Variants in ESRRG observed in about 807,000 individuals in gnomAD.
The protein encoded by ESRRG is estrogen related receptor gamma.
In ESRRG, 13 loss-of-function variants were observed where a neutral mutation model predicts 44.0. The observed-to-expected ratio is 0.30, with a 90% CI of 0.19 to 0.47. The LOEUF is 0.47. Ranked by LOEUF, ESRRG falls within the 20% of genes least tolerant of loss-of-function variation. ESRRG has a pLI of 1.00. For synonymous variants in ESRRG, 215 were observed against 214.6 expected (o/e 1.00, Z -0.02); for missense variants, 395 against 580.6 (o/e 0.68, Z 3.29).
chr1:216,949,969 C>T (rs2066690160), intron 1 of ESRRG, among the ~76,000 whole-genome samples: 2 of 152,068 alleles, frequency 1.3e-5, no homozygotes, highest in African/African-American at 2.4e-5. Flanking sequence ...CATGCCACCA[C>T]ACCCGGCTAA....
intron 1 of ESRRG, among the ~76,000 whole-genome samples, chr1:216,696,300 G>T (rs1480450049): frequency 6.6e-6 from 1 of 152,118 alleles, no homozygotes; most frequent in Non-Finnish European, 1.5e-5. Flanking sequence ...GTACCTCAAA[G>T]ATTTAATATC....
intron 2 of ESRRG, among the ~76,000 whole-genome samples, chr1:216,779,154 A>C (rs1232192281): frequency 3.0e-5 from 3 of 100,566 alleles, no homozygotes; most frequent in Non-Finnish European, 4.0e-5. Context: ...ATTTATATAT[A>C]TATAAAATAA....
intron 1 of ESRRG, among the ~76,000 whole-genome samples, chr1:216,976,531 C>T (rs2072948039): frequency 6.6e-6 from 1 of 152,082 alleles, no homozygotes; most frequent in South Asian, 2.1e-4. Flanking sequence ...CCAGTGTCTC[C>T]ATAGGTCTGA....
At chr1:217,090,218 T>C (rs1436900480), upstream of ESRRG, among the ~76,000 whole-genome samples, 1 of 152,132 alleles carries the variant, frequency 6.6e-6, no homozygotes, top group Non-Finnish European at 1.5e-5. Context: ...CTTTTGTCTT[T>C]CATTTTACCT....
intron 2 of ESRRG, among the ~76,000 whole-genome samples, chr1:216,838,279 A>G (rs541532336): frequency 6.6e-6 from 1 of 152,356 alleles, no homozygotes; most frequent in East Asian, 1.9e-4. Flanking sequence ...GATAATGATG[A>G]AACAAGCTCT....
At chr1:216,905,234 GGGT>G (rs1361060015) in intron 2 of ESRRG, among the ~76,000 whole-genome samples, 1 of 152,014 alleles carries the variant, frequency 6.6e-6, no homozygotes, top group Non-Finnish European at 1.5e-5. Context: ...GAATGCAATC[GGGT>G]CTCAGCTTAC....
chr1:216,646,283 C>T (rs2067564712), intron 3 of ESRRG, among the ~76,000 whole-genome samples: 1 of 152,048 alleles, frequency 6.6e-6, no homozygotes, highest in Non-Finnish European at 1.5e-5. Flanking sequence ...TTAGAAAGCA[C>T]CCCTAAGGCC....
At chr1:216,993,112 T>A (rs901538325) in intron 1 of ESRRG, among the ~76,000 whole-genome samples, 4 of 152,202 alleles carry the variant, frequency 2.6e-5, no homozygotes, top group African/African-American at 7.2e-5. Flanking sequence ...TAGCAATTAG[T>A]AGAAATTCAA....
rs181644529 is a variant in ESRRG at position 216,761,327 on chromosome 1, A to G, written c.-13-83836T>C. 1.1e-3 allele frequency among the ~76,000 whole-genome samples: 168 copies of G among 152,232 alleles called. 1 individual carries two copies. The highest frequency in any genetic ancestry group is 3.2e-3 in the African/African-American group (134 of 41,562). On this transcript the variant is annotated intron_variant, in intron 2 of 7. Transcript: ENST00000359162. ...TTTCCTAATTTAAACAATTAATACA[A>G]TAAGTGTACTGGTCTTCAGAATCAA...
At chr1:216,616,581 G>A (rs1195055624) in intron 3 of ESRRG, among the ~76,000 whole-genome samples, 1 of 152,126 alleles carries the variant, frequency 6.6e-6, no homozygotes, top group East Asian at 1.9e-4. Context: ...CTTGCCAACT[G>A]GCTGCATTTG....
At chr1:216,792,922 T>TC (rs754134035) in intron 2 of ESRRG, among the ~76,000 whole-genome samples, 1 of 152,184 alleles carries the variant, frequency 6.6e-6, no homozygotes. Context: ...AAAGAATTGC[T>TC]CCTAGTCTGC....
At chr1:216,954,377 A>G (rs1261763574) in intron 1 of ESRRG, among the ~76,000 whole-genome samples, 1 of 152,158 alleles carries the variant, frequency 6.6e-6, no homozygotes, top group Non-Finnish European at 1.5e-5. Flanking sequence ...CTGTCCCTGC[A>G]TTGGGGCCAT....
intron 2 of ESRRG, among the ~76,000 whole-genome samples, chr1:216,739,240 G>A (rs1419524479): frequency 6.8e-6 from 1 of 146,844 alleles, no homozygotes; most frequent in Non-Finnish European, 1.5e-5. Context: ...TGCATAAAAG[G>A]TATCTCCAAA....
chr1:216,786,066 G>C lies in ESRRG; in HGVS notation c.-13-108575C>G, dbSNP rs2094118399. Among the ~76,000 whole-genome samples the C allele has an allele frequency of 2.0e-5, 3 of 152,070 alleles. No individual in the cohort carries two copies. The South Asian group carries it at 6.2e-4, about 31-fold the overall frequency. On this transcript the variant is annotated intron_variant, in intron 2 of 7. Coordinates refer to the ESRRG transcript ENST00000359162. ...CTGCTCCCTAAAGGTCAGCCACCAG[G>C]GAAGTGCAAAATGTCTGGTGTGCTA...
At chr1:216,717,228 A>G (rs183412873) in intron 1 of ESRRG, among the ~76,000 whole-genome samples, 25 of 152,044 alleles carry the variant, frequency 1.6e-4, no homozygotes, top group Admixed American at 1.0e-3. Flanking sequence ...AATTGATTAG[A>G]AAACACATTT....
At chr1:216,972,253 C>A (rs952716189) in intron 1 of ESRRG, among the ~76,000 whole-genome samples, 1 of 152,114 alleles carries the variant, frequency 6.6e-6, no homozygotes, top group Non-Finnish European at 1.5e-5. Flanking sequence ...GGTCAGCAAT[C>A]TATCAGGAGT....
rs182694605 is a variant in ESRRG, at chr1:216,526,513, C to T, written c.863-7092G>A. On this transcript the variant is annotated intron_variant, in intron 5 of 6. Coordinates refer to ENST00000408911, the MANE Select transcript of ESRRG (RefSeq NM_001438.4). ...ATGGACCAGACTAGCCTGCAGAGCCCGCAGAAGGAACCCAAACCTCCTGCC... is the reference window on the plus strand; with the variant it reads ...ATGGACCAGACTAGCCTGCAGAGCCTGCAGAAGGAACCCAAACCTCCTGCC... Among the ~76,000 whole-genome samples the T allele has an allele frequency of 2.9e-3, 444 of 152,214 alleles. 4 individuals carry two copies. The highest frequency in any genetic ancestry group is 0.014 in the Middle Eastern group (4 of 294).
chr1:217,111,699 C>T (rs1580604868), intron 1 of ESRRG, among the ~76,000 whole-genome samples: 1 of 152,276 alleles, frequency 6.6e-6, no homozygotes, highest in East Asian at 1.9e-4. Flanking sequence ...AAATTTTCAG[C>T]TGCTGGCTGT....
chr1:216,895,775 CTCTTA>C (rs1480670617), intron 2 of ESRRG, among the ~76,000 whole-genome samples: 3 of 152,124 alleles, frequency 2.0e-5, no homozygotes, highest in African/African-American at 7.2e-5. Context: ...CCAAAAAGAG[CTCTTA>C]TCTTGTGCCT....
Sources: allele counts gnomAD v4.1 joint callset (sites outside exome capture counted in the v4.1 genomes callset), GRCh38; gene constraint gnomAD v4.1.1; transcripts MANE v1.5; gene names NCBI Gene and HGNC (gene_info 2026-07-23, HGNC 2026-07-21).